MTMR11: variants seen among roughly 807,000 people sequenced by gnomAD.
MTMR11 encodes myotubularin-related protein 11.
Under a neutral mutation model 100.0 loss-of-function variants are expected in MTMR11, and 89 were observed. That is an observed-to-expected ratio of 0.89 (90% confidence interval 0.75 to 1.06). The LOEUF (loss-of-function observed/expected upper bound fraction) is 1.06. Ranked by LOEUF, MTMR11 falls within the 50% of genes least tolerant of loss-of-function variation. The pLI, the probability that MTMR11 is intolerant of heterozygous loss-of-function variation, is 0.00. For synonymous variants in MTMR11, 336 were observed against 326.3 expected (o/e 1.03, Z -0.32); for missense variants, 809 against 873.7 (o/e 0.93, Z 0.93).
chr1:149,936,291 G>A lies in MTMR11; in HGVS notation c.67-62C>T. 5 of 1,607,866 alleles carry A rather than the reference G, an allele frequency of 3.1e-6. No homozygotes were observed. The South Asian group carries it at 5.5e-5, about 18-fold the overall frequency. On this transcript the variant is annotated intron_variant, in intron 1 of 16. Transcript: ENST00000439741. ...CCCCTAGGCTCCCCAACTCCCCAGA[G>A]GCAGCTGCCTGTAGAGGCCTACACT...
In MTMR11 at chr1:149,933,912, T is replaced by C. The variant is rs781983614; in HGVS notation, c.714A>G (p.Arg238=). Residue 238 remains arginine (R), a synonymous_variant, in exon 8 of 17, where the codon CGA becomes CGG. Transcript: ENST00000439741. ...SLPRYFWVPN[R]ILDSEVRRAF... ...CTCTCCTGACCTCACTGTCCAGAATTCGGTTAGGGACCCAGAAGTAACGGG... is the reference window on the plus strand; with the variant it reads ...CTCTCCTGACCTCACTGTCCAGAATCCGGTTAGGGACCCAGAAGTAACGGG... The C allele has an allele frequency of 1.2e-6, 2 of 1,614,076 alleles. No homozygotes were observed. Among genetic ancestry groups the C allele is most frequent in the African/African-American group, 2.7e-5 (2 of 74,912 alleles).
At chr1:149,933,328 C>T in intron 10 of MTMR11, 78 bp downstream of exon 10, 1 of 1,559,694 alleles carries the variant, frequency 6.4e-7, no homozygotes, top group East Asian at 2.3e-5. Flanking sequence ...TCATCTACAG[C>T]AAGCAAAGGG....
chr1:149,928,991 CAA>C lies in MTMR11; in HGVS notation c.*136_*137del, dbSNP rs1393462556. The C allele has an allele frequency of 5.0e-6, 8 of 1,608,702 alleles. No homozygotes were observed. The highest frequency in any genetic ancestry group is 6.8e-6 in the Non-Finnish European group (8 of 1,177,586). ...AAATATTTGTAGAAACTAAGCAAGA[CAA>C]GAGTTGGAGCAGTTAACACCACTAT... On this transcript the variant is annotated 3_prime_UTR_variant, in exon 17 of 17. Coordinates refer to ENST00000439741, the MANE Select transcript of MTMR11 (RefSeq NM_001145862.2).
chr1:149,929,534 C>G, intron 16 of MTMR11, 89 bp downstream of exon 16: 1 of 1,454,710 alleles, frequency 6.9e-7, no homozygotes, highest in Non-Finnish European at 9.3e-7. Context: ...CTCCCAGAGG[C>G]TTCAGCTCCT....
At position 149,929,533 on chromosome 1, in the gene MTMR11, G is replaced by A. The variant is rs111273842; in HGVS notation, c.1941+90C>T. 4,293 of 1,445,140 alleles carry A rather than the reference G, an allele frequency of 3.0e-3. 84 individuals are homozygous for A. The African/African-American group carries it at 0.042, about 14-fold the overall frequency. 89.5% of individuals were successfully genotyped at this position (1,445,140 alleles called of 1,614,324 possible). A position where few individuals can be genotyped will look rare whatever the true frequency, so the allele number is the denominator to read the frequency against. On this transcript the variant is annotated intron_variant, in intron 16 of 16. Transcript: ENST00000439741. ...AACTTCACTTCCCAGACTCCCAGAG[G>A]CTTCAGCTCCTTGCCTTTCCAGCTC...
chr1:149,935,151 A>G, intron 4 of MTMR11, 23 bp from the exon 5 acceptor site: 1 of 1,613,632 alleles, frequency 6.2e-7, no homozygotes, highest in Non-Finnish European at 8.5e-7. Context: ...GGTACAGAAC[A>G]GTGTAACCAT....
rs1571532844 is a variant in MTMR11, at chr1:149,928,968, A to G, written c.*161T>C. 6.2e-7 allele frequency: 1 copy of G among 1,613,150 alleles called. No homozygotes were observed. The highest frequency in any genetic ancestry group is 1.1e-5 in the South Asian group (1 of 90,928). ...ATCCTTCAAATGACAAGAAGCAAAA[A>G]TATTTGTAGAAACTAAGCAAGACAA... On this transcript the variant is annotated 3_prime_UTR_variant, in exon 17 of 17. Coordinates refer to ENST00000439741, the MANE Select transcript of MTMR11 (RefSeq NM_001145862.2).
At chr1:149,930,291 C>T in intron 15 of MTMR11, 74 bp downstream of exon 15, 1 of 1,432,464 alleles carries the variant, frequency 7.0e-7, no homozygotes, top group Non-Finnish European at 9.5e-7. Context: ...GACATTTTGT[C>T]TTTCACTTCT....
chr1:149,934,608 C>T (rs1169271231), intron 5 of MTMR11, 82 bp from the exon 6 acceptor site: 2 of 1,366,644 alleles, frequency 1.5e-6, no homozygotes, highest in African/African-American at 2.8e-5. Context: ...TGTTGCTCCA[C>T]TCTCTTTGCC....
chr1:149,933,551 A>T, intron 9 of MTMR11, 21 bp from the exon 10 acceptor site: 1 of 1,614,020 alleles, frequency 6.2e-7, no homozygotes, highest in Non-Finnish European at 8.5e-7. Context: ...GGGAGTCAGG[A>T]AATAAGGAGT....
At chr1:149,930,738 G>A (rs2092647180) in intron 14 of MTMR11, 54 bp downstream of exon 14, 1 of 1,496,946 alleles carries the variant, frequency 6.7e-7, no homozygotes, top group Admixed American at 2.3e-5. Context: ...CCAAACTTCA[G>A]AGAGTACATC....
At position 149,935,306 on chromosome 1, in the gene MTMR11, T is replaced by C; in HGVS notation, c.318A>G (p.Leu106=). The part of the protein sequence containing the change: ...YDFALVNIGR[L]EAVSGLSRVQ... ...AACCCCCCCCCAACTTACCAGCCTC[T>C]AATCGTCCAATGTTGACCAGGGCAA... Residue 106 remains leucine, a synonymous_variant, in exon 4 of 17, where the codon TTA becomes TTG. Transcript: ENST00000439741. 1.2e-6 allele frequency: 2 copies of C among 1,611,360 alleles called. No individual in the cohort carries two copies. Among genetic ancestry groups the C allele is most frequent in the Non-Finnish European group, 1.7e-6 (2 of 1,178,580 alleles).
intron 10 of MTMR11, among the ~76,000 whole-genome samples, chr1:149,932,762 G>C (rs2101666068): frequency 6.6e-6 from 1 of 151,988 alleles, no homozygotes; most frequent in East Asian, 2.0e-4. Context: ...TCTAACACGG[G>C]GAACATGGTG....
At position 149,928,873 on chromosome 1, in the gene MTMR11, T is replaced by C. The variant is rs149800059; in HGVS notation, c.*256A>G. The C allele has an allele frequency of 1.5e-5, 25 of 1,613,502 alleles. No individual in the cohort carries two copies. In the African/African-American group the frequency reaches 3.2e-4, roughly 21 times the overall value. On this transcript the variant is annotated 3_prime_UTR_variant, in exon 17 of 17. Coordinates refer to ENST00000439741, the MANE Select transcript of MTMR11 (RefSeq NM_001145862.2). ...GCATCTCTGATCTCATGATTTAACA[T>C]CTGGTTATCCAGAAGGGATGGGATT...
rs1409606715 is a variant in MTMR11 at position 149,930,433 on chromosome 1, T to C, written c.1579A>G (p.Ile527Val). Residue 527 changes from isoleucine to valine, a missense_variant, in exon 15 of 17, where the codon ATA becomes GTA. Physicochemically the swap from Ile to Val is conservative, Grantham distance 29 (BLOSUM62 3). Coordinates refer to ENST00000439741, the MANE Select transcript of MTMR11 (RefSeq NM_001145862.2). The stretch of plus-strand genomic sequence containing the variant: ...TAGCCAGGATTCTGGAATTGTAGTA[T>C]CTGTGCATTGCTATAACGTAAATCC... ...DWDLRYSNAQ[I>V]LQFQNPGYDP... 18 of 1,613,938 alleles carry C rather than the reference T, an allele frequency of 1.1e-5. No homozygotes were observed. The highest frequency in any genetic ancestry group is 1.4e-5 in the Non-Finnish European group (17 of 1,179,950).
intron 3 of MTMR11, 58 bp from the exon 4 acceptor site, chr1:149,935,417 G>A: frequency 6.2e-7 from 1 of 1,601,248 alleles, no homozygotes; most frequent in Middle Eastern, 1.7e-4. Flanking sequence ...TCCTACCCTG[G>A]CAGCCCCAAC....
chr1:149,933,759 C>A, intron 8 of MTMR11, 61 bp from the exon 9 acceptor site: 1 of 1,609,558 alleles, frequency 6.2e-7, no homozygotes, highest in Non-Finnish European at 8.5e-7. Flanking sequence ...GCTACCCTTG[C>A]CCCCACACTG....
rs186618889 is a variant in MTMR11 at position 149,930,798 on chromosome 1, G to A, written c.1458C>T (p.Ser486=). 4.2e-5 allele frequency: 66 copies of A among 1,569,816 alleles called. No homozygotes were observed. Among genetic ancestry groups the A allele is most frequent in the Admixed American group, 6.1e-5 (3 of 49,064 alleles). ...RNTPWERGKQ[S]GQLNSYTQVY... ...AAAAATAGAAGTCACTGACCTGTCCGCTCTGCTTTCCGCGCTCCCAGGGGG... is the reference window on the plus strand; with the variant it reads ...AAAAATAGAAGTCACTGACCTGTCCACTCTGCTTTCCGCGCTCCCAGGGGG... Residue 486 remains serine, a synonymous_variant, in exon 14 of 17, where the codon AGC becomes AGT. Coordinates refer to ENST00000439741, the MANE Select transcript of MTMR11 (RefSeq NM_001145862.2).
chr1:149,931,167 C>T (rs1173116087), intron 13 of MTMR11, 93 bp downstream of exon 13: 63 of 1,548,234 alleles, frequency 4.1e-5, no homozygotes, highest in Non-Finnish European at 5.2e-5. Context: ...GCCCTTCTGA[C>T]CGGATTCACC....
Sources: allele counts gnomAD v4.1 joint callset (sites outside exome capture counted in the v4.1 genomes callset), GRCh38; gene constraint gnomAD v4.1.1; transcripts MANE v1.5; gene names NCBI Gene and HGNC (gene_info 2026-07-23, HGNC 2026-07-21).